Variants in RBFOX3 observed in about 807,000 individuals in gnomAD.
RBFOX3 encodes the protein RNA binding protein fox-1 homolog 3.
A neutral mutation model predicts 48.7 loss-of-function variants in RBFOX3; 17 were observed. The observed-to-expected ratio is 0.35, with a 90% confidence interval of 0.24 to 0.52. RBFOX3 has a LOEUF of 0.52. Among genes scored for constraint, RBFOX3 ranks in the 20% least tolerant of loss-of-function variants. The pLI, the probability that RBFOX3 is intolerant of heterozygous loss-of-function variation, is 0.94. For missense variants in RBFOX3, 382 were observed against 497.5 expected (o/e 0.77, Z 2.21); for synonymous variants, 212 against 209.5 (o/e 1.01, Z -0.10).
chr17:79,431,472 C>T (rs1033381582), intron 2 of RBFOX3, among the ~76,000 whole-genome samples: 3 of 148,552 alleles, frequency 2.0e-5, no homozygotes, highest in Non-Finnish European at 4.4e-5. Flanking sequence ...CCCCACCCCC[C>T]ACCATGCCTG....
chr17:79,234,191 A>G (rs4789962), intron 4 of RBFOX3: 35,609 of 152,296 alleles, frequency 0.23, 4,831 homozygotes, highest in Middle Eastern at 0.34. Context: ...AGGCCATGTG[A>G]AGGGGACCCC....
At chr17:79,463,450 C>A (rs2075783657) in intron 2 of RBFOX3, among the ~76,000 whole-genome samples, 1 of 141,120 alleles carries the variant, frequency 7.1e-6, no homozygotes, top group South Asian at 2.4e-4. Flanking sequence ...CCACTGCCAC[C>A]TCCACCGCCA....
chr17:79,487,333 T>C lies in RBFOX3; in HGVS notation c.-319-4735A>G, dbSNP rs534377245. 3.0e-4 allele frequency among the ~76,000 whole-genome samples: 46 copies of C among 152,328 alleles called. No individual in the cohort carries two copies. In the South Asian group the frequency reaches 5.6e-3, roughly 19 times the overall value. On this transcript the variant is annotated intron_variant, in intron 1 of 14. Transcript: ENST00000693108. ...CCTGCCCTGGCTGGCCCCGACGACC[T>C]TGGACTCACGAGTTGCCTTTGGTCA...
Position 79,220,036 on chromosome 17 carries a change from G to A in RBFOX3, c.-34+15730C>T, listed in dbSNP as rs1957237343. Among the ~76,000 whole-genome samples, 1 of 149,010 alleles carries A rather than the reference G, an allele frequency of 6.7e-6. No individual in the cohort carries two copies. Among genetic ancestry groups the A allele is most frequent in the Non-Finnish European group, 1.5e-5 (1 of 67,368 alleles). On this transcript the variant is annotated intron_variant, in intron 4 of 14. Coordinates refer to ENST00000693108, the MANE Select transcript of RBFOX3 (RefSeq NM_001350451.2). This position sits in a 1 kb window ranked among gnomAD's most constrained non-coding sequence, Gnocchi z 5.9. ...GGGGACACCTCCAACCGGCACCCCT[G>A]CCTGCTGGGCCCTGGGGGAAGGGTG...
chr17:79,515,117 C>A (rs1364014176), intron 1 of RBFOX3, among the ~76,000 whole-genome samples: 1 of 152,218 alleles, frequency 6.6e-6, no homozygotes, highest in Non-Finnish European at 1.5e-5. Flanking sequence ...GCCCCACCCA[C>A]ACATCTACGG....
chr17:79,510,971 C>G (rs2084083764), intron 1 of RBFOX3, among the ~76,000 whole-genome samples: 1 of 152,168 alleles, frequency 6.6e-6, no homozygotes, highest in Non-Finnish European at 1.5e-5. Context: ...ATCCCAGGAG[C>G]CAAGAACCTC....
chr17:79,238,383 G>C (rs926938713), intron 3 of RBFOX3, among the ~76,000 whole-genome samples: 1 of 152,236 alleles, frequency 6.6e-6, no homozygotes, highest in Non-Finnish European at 1.5e-5. Context: ...GGAAGGGTAC[G>C]TCTGTGGCTC....
chr17:79,452,303 C>G (rs1430794695), intron 2 of RBFOX3, among the ~76,000 whole-genome samples: 1 of 152,214 alleles, frequency 6.6e-6, no homozygotes. Flanking sequence ...GGAGGCCCAC[C>G]CTGTCACCAC....
chr17:79,527,279 C>T (rs1452500890), intron 1 of RBFOX3, among the ~76,000 whole-genome samples: 2 of 152,254 alleles, frequency 1.3e-5, no homozygotes, highest in Non-Finnish European at 2.9e-5. Context: ...TAAGCCCTTC[C>T]TTTTCTTTCT....
the RBFOX3 span, among the ~76,000 whole-genome samples, chr17:79,620,930 C>T: frequency 6.6e-6 from 1 of 152,154 alleles, no homozygotes; most frequent in African/African-American, 2.4e-5. Context: ...GTTTCTTCTA[C>T]GCCGTTCCTG....
chr17:79,105,267 G>C (rs374514843), intron 6 of RBFOX3, among the ~76,000 whole-genome samples: 1 of 152,100 alleles, frequency 6.6e-6, no homozygotes, highest in South Asian at 2.1e-4. Context: ...GGGAGCTGAT[G>C]GGGGACAGTG....
At chr17:79,318,970 A>C (rs1438640273) in intron 2 of RBFOX3, among the ~76,000 whole-genome samples, 1 of 151,808 alleles carries the variant, frequency 6.6e-6, no homozygotes, top group Non-Finnish European at 1.5e-5. Flanking sequence ...ACATGTATAC[A>C]TATGTAACTA....
At chr17:79,278,299 C>T (rs1799555706) in intron 3 of RBFOX3, among the ~76,000 whole-genome samples, 1 of 152,226 alleles carries the variant, frequency 6.6e-6, no homozygotes, top group Non-Finnish European at 1.5e-5. Context: ...AAGAGGGCCT[C>T]TGCCCCCCTC....
At chr17:79,192,314 G>A (rs9909891) in intron 4 of RBFOX3, among the ~76,000 whole-genome samples, 7 of 151,968 alleles carry the variant, frequency 4.6e-5, no homozygotes, top group African/African-American at 1.4e-4. Context: ...GCATCAGGAT[G>A]GGGGGGAGCC....
the RBFOX3 span, among the ~76,000 whole-genome samples, chr17:79,649,609 C>T: frequency 4.6e-5 from 7 of 152,106 alleles, no homozygotes; most frequent in Non-Finnish European, 1.0e-4. Context: ...GGGAGGCTGA[C>T]GCAGGAGAAT....
chr17:79,094,642 G>A (rs1232371763), intron 13 of RBFOX3, 113 bp from the exon 14 acceptor site: 3 of 637,690 alleles, frequency 4.7e-6, no homozygotes, highest in Non-Finnish European at 7.3e-6. Flanking sequence ...CCTGTACCGA[G>A]GTCCCATCTG....
chr17:79,203,274 G>A (rs1386078769), intron 4 of RBFOX3, among the ~76,000 whole-genome samples: 4 of 145,548 alleles, frequency 2.7e-5, no homozygotes, highest in African/African-American at 1.0e-4. Context: ...AGAGGGGCAG[G>A]TGGAGGTGAA....
upstream of RBFOX3, among the ~76,000 whole-genome samples, chr17:79,613,553 G>A (rs937337034): frequency 2.6e-5 from 4 of 152,222 alleles, no homozygotes; most frequent in Admixed American, 6.5e-5. Context: ...GGAGGACTGG[G>A]GAGTCCTTGG....
chr17:79,168,755 T>C (rs1266498053), intron 4 of RBFOX3, among the ~76,000 whole-genome samples: 1 of 152,236 alleles, frequency 6.6e-6, no homozygotes, highest in African/African-American at 2.4e-5. Flanking sequence ...GTCTCCTCTG[T>C]CAGCCAGTGT....
Sources: allele counts gnomAD v4.1 joint callset (sites outside exome capture counted in the v4.1 genomes callset), GRCh38; gene constraint gnomAD v4.1.1; non-coding constraint Gnocchi (gnomAD v3.1); transcripts MANE v1.5; gene names NCBI Gene and HGNC (gene_info 2026-07-23, HGNC 2026-07-21).